Variants in CLEC9A observed in about 807,000 individuals in gnomAD.
CLEC9A encodes the protein C-type lectin domain family 9 member A.
Under a neutral mutation model 30.0 loss-of-function variants are expected in CLEC9A, and 24 were observed. The observed-to-expected ratio is 0.80, with a 90% CI of 0.58 to 1.13. CLEC9A has a LOEUF of 1.13. Among genes scored for constraint, CLEC9A ranks in the 50% most tolerant of loss-of-function variants. The pLI is 0.00. For synonymous variants in CLEC9A, 111 were observed against 96.8 expected, an observed-to-expected ratio of 1.15 and a Z score of -0.86; for missense variants, 251 against 280.9, an observed-to-expected ratio of 0.89 and a Z score of 0.76.
At chr12:10,037,102 C>T (rs995172090) in intron 1 of CLEC9A, among the ~76,000 whole-genome samples, 3 of 152,038 alleles carry the variant, frequency 2.0e-5, no homozygotes, top group African/African-American at 4.8e-5. Flanking sequence ...ATACCTATTA[C>T]GTACATTCAG....
At chr12:10,052,950 T>G in intron 4 of CLEC9A, 172 bp downstream of exon 4, 1 of 679,024 alleles carries the variant, frequency 1.5e-6, no homozygotes, top group South Asian at 3.1e-5. Flanking sequence ...CGGTGAAAAA[T>G]AAAGAGAGCA....
intron 2 of CLEC9A, among the ~76,000 whole-genome samples, chr12:10,043,010 A>AT (rs1182181345): frequency 6.6e-6 from 1 of 152,212 alleles, no homozygotes; most frequent in Non-Finnish European, 1.5e-5. Context: ...TTTGTGTACA[A>AT]TTTTACCTGC....
intron 1 of CLEC9A, among the ~76,000 whole-genome samples, chr12:10,038,961 ATTG>A (rs1424617629): frequency 6.6e-6 from 1 of 152,244 alleles, no homozygotes; most frequent in African/African-American, 2.4e-5. Flanking sequence ...GGCCATGCCT[ATTG>A]TTGATGATCA....
At chr12:10,036,152 T>C (rs1865742672) in intron 1 of CLEC9A, among the ~76,000 whole-genome samples, 1 of 148,964 alleles carries the variant, frequency 6.7e-6, no homozygotes, top group African/African-American at 2.6e-5. Context: ...TGACACATTT[T>C]TCCCTTCATT....
In CLEC9A at chr12:10,061,128, G is replaced by C. The variant is rs1408381252; in HGVS notation, c.174G>C (p.Leu58Phe). The C allele has an allele frequency of 1.2e-6, 2 of 1,609,322 alleles. No homozygotes were observed. The highest frequency in any genetic ancestry group is 1.7e-6 in the Non-Finnish European group (2 of 1,178,452). Residue 58 changes from leucine to phenylalanine, a missense_variant and splice_region_variant, in exon 6 of 9, where the codon TTG (leucine) becomes TTC (phenylalanine). Transcript: ENST00000355819. ...AGGAATGATTGCTATCATGTGAAGT[G>C]TTGCAGGTGTCCACCATTGCGATGC... ...LTASIFLGVKLLQVSTIAMQQ... is the reference protein window; with the variant it reads ...LTASIFLGVKFLQVSTIAMQQ...
intron 6 of CLEC9A, among the ~76,000 whole-genome samples, chr12:10,062,025 C>T (rs1162139630): frequency 6.6e-6 from 1 of 152,194 alleles, no homozygotes. Context: ...TTTCTCTATG[C>T]AGCAGGCCAT....
chr12:10,052,345 C>T (rs545562856), intron 3 of CLEC9A: 4 of 242,016 alleles, frequency 1.7e-5, no homozygotes, highest in East Asian at 2.3e-4. Context: ...AATGCAAGTG[C>T]GTTCTTTGCA....
intron 4 of CLEC9A, 119 bp downstream of exon 4, chr12:10,052,897 T>C (rs1233078430): frequency 8.9e-7 from 1 of 1,121,898 alleles, no homozygotes; most frequent in Non-Finnish European, 1.2e-6. Flanking sequence ...AAGGGTACTG[T>C]AATGTCCGTG....
intron 5 of CLEC9A, among the ~76,000 whole-genome samples, chr12:10,060,043 G>A (rs968563001): frequency 3.9e-5 from 6 of 152,198 alleles, no homozygotes; most frequent in African/African-American, 1.4e-4. Flanking sequence ...ATAACAATAA[G>A]TGACAACATC....
intron 1 of CLEC9A, among the ~76,000 whole-genome samples, chr12:10,038,478 T>G (rs898083376): frequency 6.6e-6 from 1 of 152,204 alleles, no homozygotes; most frequent in Non-Finnish European, 1.5e-5. Context: ...ATAACCCACA[T>G]AGTTACTATA....
chr12:10,049,112 G>C (rs564605410), intron 2 of CLEC9A, among the ~76,000 whole-genome samples: 8 of 152,114 alleles, frequency 5.3e-5, no homozygotes, highest in Middle Eastern at 6.8e-3. Context: ...AGAGTGAATA[G>C]AGGGATTGTC....
intron 2 of CLEC9A, among the ~76,000 whole-genome samples, chr12:10,048,813 A>G (rs1329024428): frequency 6.6e-6 from 1 of 152,188 alleles, no homozygotes. Flanking sequence ...GTTGGAGTCA[A>G]CTTCTTCCAA....
chr12:10,033,389 T>C (rs1865716794), intron 1 of CLEC9A, among the ~76,000 whole-genome samples: 1 of 152,102 alleles, frequency 6.6e-6, no homozygotes, highest in South Asian at 2.1e-4. Context: ...ACATTGATAA[T>C]GTCCAAAATT....
intron 5 of CLEC9A, among the ~76,000 whole-genome samples, chr12:10,057,325 ATATT>A (rs1167368655): frequency 6.6e-6 from 1 of 151,944 alleles, no homozygotes; most frequent in Admixed American, 6.5e-5. Flanking sequence ...ATATGAAAAC[ATATT>A]TAAATTATAT....
chr12:10,041,762 A>T (rs1848350736), intron 2 of CLEC9A, 142 bp downstream of exon 2: 2 of 437,132 alleles, frequency 4.6e-6, no homozygotes, highest in Admixed American at 5.3e-5. Flanking sequence ...CCTAGTAAGA[A>T]TTACAGAACC....
intron 5 of CLEC9A, among the ~76,000 whole-genome samples, chr12:10,058,590 T>C (rs571727415): frequency 2.5e-4 from 38 of 152,222 alleles, no homozygotes; most frequent in African/African-American, 8.9e-4. Flanking sequence ...GAGTGCGGAG[T>C]GCAGAGTGCA....
intron 2 of CLEC9A, among the ~76,000 whole-genome samples, chr12:10,049,573 C>T (rs1408579017): frequency 6.6e-6 from 1 of 152,222 alleles, no homozygotes; most frequent in Non-Finnish European, 1.5e-5. Flanking sequence ...GCCGCTTCAT[C>T]TTTCGTTTTT....
intron 5 of CLEC9A, among the ~76,000 whole-genome samples, chr12:10,057,416 T>G (rs1478645364): frequency 3.9e-5 from 6 of 152,094 alleles, no homozygotes; most frequent in African/African-American, 1.4e-4. Context: ...TATTTAAAAG[T>G]ATCATAACAT....
rs370038216 is a variant in CLEC9A, at chr12:10,061,149, G to A, written c.195G>A (p.Ala65=). 10 of 1,610,452 alleles carry A rather than the reference G, an allele frequency of 6.2e-6. No individual in the cohort carries two copies. The highest frequency in any genetic ancestry group is 2.2e-5 in the East Asian group (1 of 44,622). The change falls in exon 6 of 9, where the codon GCG becomes GCA. Residue 65 remains alanine, a synonymous_variant. Coordinates refer to ENST00000355819, the MANE Select transcript of CLEC9A (RefSeq NM_207345.4). ...AAGTGTTGCAGGTGTCCACCATTGC[G>A]ATGCAGCAGCAAGAAAAACTCATCC... ...GVKLLQVSTI[A]MQQQEKLIQQ...
Sources: allele counts gnomAD v4.1 joint callset (sites outside exome capture counted in the v4.1 genomes callset), GRCh38; gene constraint gnomAD v4.1.1; transcripts MANE v1.5; gene names NCBI Gene and HGNC (gene_info 2026-07-23, HGNC 2026-07-21).